ANXA8: variants seen among roughly 807,000 people sequenced by gnomAD.
ANXA8 encodes the protein VAC-beta.
In ANXA8, 9 loss-of-function variants were observed where a neutral mutation model predicts 26.8. The ratio of observed to expected loss-of-function variants is 0.34; its 90% confidence interval spans 0.20 to 0.59. The LOEUF (loss-of-function observed/expected upper bound fraction) is 0.59. Ranked by LOEUF, ANXA8 falls within the 20% of genes least tolerant of loss-of-function variation. ANXA8 has a pLI of 0.84. For missense variants in ANXA8, 83 were observed against 238.5 expected, an observed-to-expected ratio of 0.35 and a Z score of 4.29; for synonymous variants, 39 against 94.8, an observed-to-expected ratio of 0.41 and a Z score of 3.42.
the ANXA8 span, among the ~76,000 whole-genome samples, chr10:47,982,801 CATATATATATATATAT>C: frequency 5.4e-4 from 7 of 12,946 alleles, no homozygotes; most frequent in South Asian, 4.8e-3. Context: ...ATTTGCAAAT[CATATATATATATATAT>C]ATATATATAT....
chr10:47,527,569 C>T, the ANXA8 span, among the ~76,000 whole-genome samples: 5 of 148,990 alleles, frequency 3.4e-5, no homozygotes, highest in Non-Finnish European at 7.4e-5. Flanking sequence ...AGGTACTCGA[C>T]ATGTATTATC....
chr10:47,940,073 C>T, the ANXA8 span, among the ~76,000 whole-genome samples: 1 of 151,026 alleles, frequency 6.6e-6, no homozygotes, highest in Non-Finnish European at 1.5e-5. Context: ...CTTTCCAATT[C>T]CAAGTTTACC....
the ANXA8 span, among the ~76,000 whole-genome samples, chr10:47,949,345 C>T: frequency 6.7e-6 from 1 of 149,402 alleles, no homozygotes; most frequent in Admixed American, 6.7e-5. Flanking sequence ...CTAATCAACC[C>T]CTTATAAGAG....
At chr10:47,753,228 G>T in the ANXA8 span, 2 of 794,570 alleles carry the variant, frequency 2.5e-6, no homozygotes, top group Non-Finnish European at 3.0e-6. Context: ...ACGATGCCAG[G>T]TGCAAATACA....
the ANXA8 span, among the ~76,000 whole-genome samples, chr10:47,716,023 G>A: frequency 1.3e-5 from 2 of 148,982 alleles, no homozygotes; most frequent in South Asian, 2.1e-4. Flanking sequence ...AGCTGAGGAG[G>A]GAAGGGAAGG....
chr10:47,761,036 C>T, the ANXA8 span: 22 of 627,510 alleles, frequency 3.5e-5, 1 homozygote, highest in African/African-American at 7.5e-5. Context: ...GAAAAGCCAT[C>T]GGGAGCCAGG....
chr10:47,510,485 C>T, the ANXA8 span, among the ~76,000 whole-genome samples: 2 of 133,808 alleles, frequency 1.5e-5, no homozygotes, highest in Non-Finnish European at 3.2e-5. Context: ...TAATATGGTA[C>T]CTGTCATCAA....
the ANXA8 span, among the ~76,000 whole-genome samples, chr10:47,918,431 AAGAG>A: frequency 3.2e-5 from 1 of 31,112 alleles, no homozygotes; most frequent in Admixed American, 3.5e-4. Flanking sequence ...GAAAGAAAGA[AAGAG>A]AGAGAGAAAG....
chr10:47,553,502 G>A, the ANXA8 span: 1 of 160,636 alleles, frequency 6.2e-6, no homozygotes, highest in Non-Finnish European at 1.5e-5. Flanking sequence ...CGACTCCTTA[G>A]GTCCGCTTGG....
chr10:47,944,244 TA>T, the ANXA8 span, among the ~76,000 whole-genome samples: 3 of 145,932 alleles, frequency 2.1e-5, no homozygotes, highest in Non-Finnish European at 4.5e-5. Flanking sequence ...GGGTCTTTTA[TA>T]AGGGACCTAA....
At chr10:47,663,462 G>A in the ANXA8 span, among the ~76,000 whole-genome samples, 11 of 137,642 alleles carry the variant, frequency 8.0e-5, no homozygotes, top group African/African-American at 3.2e-4. Flanking sequence ...CATGGCTCAC[G>A]GCAGCCTGAA....
At chr10:47,595,774 T>G in the ANXA8 span, among the ~76,000 whole-genome samples, 4 of 148,710 alleles carry the variant, frequency 2.7e-5, no homozygotes, top group African/African-American at 1.0e-4. Flanking sequence ...AAGAAATCAC[T>G]ACTAGACCTA....
At chr10:47,685,568 C>G in the ANXA8 span, among the ~76,000 whole-genome samples, 1 of 151,556 alleles carries the variant, frequency 6.6e-6, no homozygotes, top group East Asian at 1.9e-4. Context: ...TATAGTAATG[C>G]TAGAAATATA....
At chr10:47,944,963 G>T in the ANXA8 span, among the ~76,000 whole-genome samples, 1 of 148,554 alleles carries the variant, frequency 6.7e-6, no homozygotes, top group Non-Finnish European at 1.5e-5. Flanking sequence ...TAAACTCTCT[G>T]CACTCTCTCC....
the ANXA8 span, among the ~76,000 whole-genome samples, chr10:47,674,751 G>A: frequency 2.0e-5 from 3 of 151,716 alleles, no homozygotes; most frequent in South Asian, 6.2e-4. Context: ...ATATTAGTAT[G>A]GACTTATGGA....
chr10:47,666,547 T>C, the ANXA8 span, among the ~76,000 whole-genome samples: 2 of 151,918 alleles, frequency 1.3e-5, no homozygotes, highest in African/African-American at 4.9e-5. Flanking sequence ...AGTTATGATG[T>C]CGTGCAAGTA....
chr10:47,683,504 TAA>T, the ANXA8 span, among the ~76,000 whole-genome samples: 1 of 151,966 alleles, frequency 6.6e-6, no homozygotes, highest in Non-Finnish European at 1.5e-5. Flanking sequence ...TAGTAATTCT[TAA>T]AAGAGTTCAG....
At chr10:47,684,697 T>A in the ANXA8 span, among the ~76,000 whole-genome samples, 2 of 151,766 alleles carry the variant, frequency 1.3e-5, no homozygotes, top group Non-Finnish European at 2.9e-5. Context: ...GCGATTCTCC[T>A]GCCTCAGCCT....
At chr10:47,975,136 C>T in the ANXA8 span, among the ~76,000 whole-genome samples, 1 of 149,188 alleles carries the variant, frequency 6.7e-6, no homozygotes, top group African/African-American at 2.4e-5. Context: ...ATAGTTCAGC[C>T]TCATCATCTT....
Sources: allele counts gnomAD v4.1 joint callset (sites outside exome capture counted in the v4.1 genomes callset), GRCh38; gene constraint gnomAD v4.1.1; transcripts MANE v1.5; gene names NCBI Gene and HGNC (gene_info 2026-07-23, HGNC 2026-07-21).